The following TRERF1 variants were observed in gnomAD, a reference collection of about 807,000 sequenced individuals.
The protein encoded by TRERF1 is transcriptional regulating factor 1.
TRERF1 carries 27 observed loss-of-function variants against 122.9 expected under a neutral mutation model. That is an observed-to-expected ratio of 0.22 (90% CI 0.16 to 0.30). The LOEUF is 0.30. TRERF1 is among the 10% of genes least tolerant of loss of function. The pLI is 1.00. For missense variants in TRERF1, 1,248 were observed against 1,560.3 expected (o/e 0.80, Z 3.37); for synonymous variants, 636 against 641.7 (o/e 0.99, Z 0.13).
chr6:42,279,804 T>C (rs1361130237), intron 4 of TRERF1, among the ~76,000 whole-genome samples: 1 of 151,992 alleles, frequency 6.6e-6, no homozygotes, highest in Non-Finnish European at 1.5e-5. Context: ...CTGTGTGACT[T>C]TGGTGTGTGG....
At chr6:42,252,086 T>A (rs1775928415) in intron 13 of TRERF1, among the ~76,000 whole-genome samples, 1 of 152,096 alleles carries the variant, frequency 6.6e-6, no homozygotes, top group South Asian at 2.1e-4. Flanking sequence ...AGGGCTGGAC[T>A]GTGCATCGTG....
chr6:42,308,707 T>C (rs980005399), intron 3 of TRERF1, among the ~76,000 whole-genome samples: 1 of 152,222 alleles, frequency 6.6e-6, no homozygotes, highest in East Asian at 1.9e-4. Context: ...TATCCCATGT[T>C]CTTACTTATA....
chr6:42,304,554 G>T (rs1786811240), intron 3 of TRERF1, among the ~76,000 whole-genome samples: 1 of 152,204 alleles, frequency 6.6e-6, no homozygotes, highest in African/African-American at 2.4e-5. Context: ...ACGCTGCAGG[G>T]CAGCTTTGCA....
At chr6:42,260,923 C>T (rs1314484232) in intron 8 of TRERF1, among the ~76,000 whole-genome samples, 1 of 152,102 alleles carries the variant, frequency 6.6e-6, no homozygotes, top group Non-Finnish European at 1.5e-5. Context: ...CCATCCTGGC[C>T]TCTAGGAGAG....
At chr6:42,244,925 G>A (rs1774484230) in intron 14 of TRERF1, among the ~76,000 whole-genome samples, 1 of 152,228 alleles carries the variant, frequency 6.6e-6, no homozygotes, top group Non-Finnish European at 1.5e-5. Flanking sequence ...TTTGCTGGAG[G>A]CAGATTAAAG....
chr6:42,262,363 C>G (rs1169093259), intron 8 of TRERF1, among the ~76,000 whole-genome samples: 1 of 150,816 alleles, frequency 6.6e-6, no homozygotes, highest in African/African-American at 2.4e-5. Flanking sequence ...AAATATGACC[C>G]AACATGCCAC....
chr6:42,232,326 T>C lies in TRERF1; in HGVS notation c.3278+355A>G, dbSNP rs545038687. On this transcript the variant is annotated intron_variant, in intron 17 of 17. Coordinates refer to ENST00000372922, the Ensembl canonical transcript of TRERF1. This position sits in a 1 kb window ranked among gnomAD's most constrained non-coding sequence, Gnocchi z 4.5. ...CTGATTAGATGTTGTAGAGCCATTC[T>C]CAAATCATTCAGCGGGGATCCAAAC... 1.0e-3 allele frequency among the ~76,000 whole-genome samples: 153 copies of C among 152,310 alleles called. 1 individual carries two copies. The highest frequency in any genetic ancestry group is 1.8e-3 in the Non-Finnish European group (123 of 68,002).
At chr6:42,251,701 C>T (rs1312810687) in intron 13 of TRERF1, among the ~76,000 whole-genome samples, 2 of 152,178 alleles carry the variant, frequency 1.3e-5, no homozygotes, top group South Asian at 2.1e-4. Context: ...TCTGTCTCCT[C>T]ATCTAACTGG....
In TRERF1 at chr6:42,228,956, GCTCTTTCTC is replaced by G. The variant is rs1182508618; in HGVS notation, c.3279-296_3279-288del. Among the ~76,000 whole-genome samples, 2 of 152,146 alleles carry G rather than the reference GCTCTTTCTC, an allele frequency of 1.3e-5. No individual in the cohort carries two copies. The highest frequency in any genetic ancestry group is 2.9e-5 in the Non-Finnish European group (2 of 68,004). On this transcript the variant is annotated intron_variant, in intron 17 of 17. Coordinates refer to ENST00000372922, the Ensembl canonical transcript of TRERF1. This position sits in a 1 kb window ranked among gnomAD's most constrained non-coding sequence, Gnocchi z 4.2. ...TGTCCACCTGGAGTCTGGAGCACAG[GCTCTTTCTC>G]CTCTTTCAGCCTCCCCCTTCTCCTC...
chr6:42,309,712 C>T (rs1787903986), intron 3 of TRERF1, among the ~76,000 whole-genome samples: 1 of 151,992 alleles, frequency 6.6e-6, no homozygotes, highest in African/African-American at 2.4e-5. Flanking sequence ...AATATGGCAG[C>T]TACTAGCCGT....
chr6:42,330,458 T>C lies in TRERF1; in HGVS notation c.-370-29709A>G, dbSNP rs570499034. ...ACACAAAAACATAGGTTCAAAGATA[T>C]TCAGTACTGACAAAGGTGTAAAGAA... On this transcript the variant is annotated intron_variant, in intron 3 of 17. Coordinates refer to ENST00000372922, the Ensembl canonical transcript of TRERF1. 2.6e-5 allele frequency among the ~76,000 whole-genome samples: 4 copies of C among 152,322 alleles called. No individual in the cohort carries two copies. The South Asian group carries it at 8.3e-4, about 32-fold the overall frequency.
chr6:42,263,425 GAGA>G lies in TRERF1; in HGVS notation c.1776_1778del (p.Leu593del), dbSNP rs767539296. 27 of 1,612,116 alleles carry G rather than the reference GAGA, an allele frequency of 1.7e-5. No individual in the cohort carries two copies. The highest frequency in any genetic ancestry group is 3.4e-5 in the Admixed American group (2 of 59,676). ...ACCCCTGAGAGCTGGGCTTGGGCGG[GAGA>G]AGCTTGACAGGGACAGACACGGGCA... is the stretch of plus-strand genomic sequence containing the variant. On this transcript the variant is annotated inframe_deletion, in exon 8 of 18. Coordinates refer to ENST00000372922, the Ensembl canonical transcript of TRERF1. The surrounding 1 kb of genome is among the most constrained non-coding windows in gnomAD (Gnocchi z 5.6).
chr6:42,315,185 C>T (rs1331050310), intron 3 of TRERF1, among the ~76,000 whole-genome samples: 1 of 152,166 alleles, frequency 6.6e-6, no homozygotes, highest in African/African-American at 2.4e-5. Flanking sequence ...GGACATTTGG[C>T]AGTGTCTAGA....
At chr6:42,325,214 G>A (rs752435439) in intron 3 of TRERF1, among the ~76,000 whole-genome samples, 5 of 152,186 alleles carry the variant, frequency 3.3e-5, no homozygotes, top group East Asian at 3.9e-4. Context: ...GATACCATCC[G>A]ACACCAGTCC....
chr6:42,431,357 G>T (rs1455997581), intron 2 of TRERF1, among the ~76,000 whole-genome samples: 2 of 152,084 alleles, frequency 1.3e-5, no homozygotes, highest in African/African-American at 4.8e-5. Flanking sequence ...GTACAGAGAG[G>T]AAAATGGAGA....
chr6:42,306,892 G>A (rs774941051), intron 3 of TRERF1, among the ~76,000 whole-genome samples: 13 of 152,072 alleles, frequency 8.5e-5, no homozygotes, highest in Non-Finnish European at 1.6e-4. Flanking sequence ...TTTTTTCACC[G>A]CTGTGTCTAA....
chr6:42,385,591 C>G (rs962282867), intron 2 of TRERF1, among the ~76,000 whole-genome samples: 5 of 152,156 alleles, frequency 3.3e-5, no homozygotes, highest in African/African-American at 1.2e-4. Flanking sequence ...GACCCCGAAA[C>G]CTATCGGGAG....
intron 15 of TRERF1, among the ~76,000 whole-genome samples, chr6:42,237,770 T>C (rs1438473861): frequency 6.6e-6 from 1 of 152,178 alleles, no homozygotes; most frequent in Non-Finnish European, 1.5e-5. Context: ...TCTCTACAGT[T>C]TGGATTTGGG....
intron 4 of TRERF1, among the ~76,000 whole-genome samples, chr6:42,272,851 A>C (rs762797110): frequency 1.3e-5 from 2 of 152,026 alleles, no homozygotes; most frequent in Non-Finnish European, 2.9e-5. Context: ...TGACCCCCAA[A>C]GATTGCCCCC....
Sources: allele counts gnomAD v4.1 joint callset (sites outside exome capture counted in the v4.1 genomes callset), GRCh38; gene constraint gnomAD v4.1.1; non-coding constraint Gnocchi (gnomAD v3.1); transcripts MANE v1.5; gene names NCBI Gene and HGNC (gene_info 2026-07-23, HGNC 2026-07-21).